GPHN: variants seen among roughly 807,000 people sequenced by gnomAD.
The protein encoded by GPHN is gephyrin.
Under a neutral mutation model 95.5 loss-of-function variants are expected in GPHN, and 17 were observed. That is an observed-to-expected ratio of 0.18 (90% confidence interval 0.12 to 0.27). The LOEUF is 0.27. GPHN is among the 10% of genes least tolerant of loss of function. GPHN has a pLI of 1.00. For synonymous variants in GPHN, 320 were observed against 322.5 expected, an observed-to-expected ratio of 0.99 and a Z score of 0.08; for missense variants, 660 against 978.1, an observed-to-expected ratio of 0.67 and a Z score of 4.34.
At chr14:67,399,042 A>G in the GPHN span, among the ~76,000 whole-genome samples, 1 of 152,234 alleles carries the variant, frequency 6.6e-6, no homozygotes. Context: ...TTTGACCTGC[A>G]TCTGCTTTTT....
intron 9 of GPHN, among the ~76,000 whole-genome samples, chr14:67,019,660 A>G (rs1265156735): frequency 1.3e-5 from 2 of 152,120 alleles, no homozygotes; most frequent in African/African-American, 2.4e-5. Context: ...TCTGTGAAAT[A>G]CAGAAGGGAA....
At chr14:66,609,463 A>G (rs1303170173) in intron 1 of GPHN, among the ~76,000 whole-genome samples, 1 of 151,862 alleles carries the variant, frequency 6.6e-6, no homozygotes, top group Non-Finnish European at 1.5e-5. Flanking sequence ...AGTTTTCTGT[A>G]TTTCTTGAAT....
chr14:66,627,020 GACT>G (rs1185456333), intron 1 of GPHN, among the ~76,000 whole-genome samples: 1 of 151,944 alleles, frequency 6.6e-6, no homozygotes, highest in Non-Finnish European at 1.5e-5. Context: ...TATTATAATT[GACT>G]ATAGATCTTT....
At chr14:67,121,527 T>C (rs1034361226) in intron 16 of GPHN, among the ~76,000 whole-genome samples, 42 of 152,208 alleles carry the variant, frequency 2.8e-4, no homozygotes, top group African/African-American at 9.9e-4. Flanking sequence ...CAAAGAATTT[T>C]GTCAACTTGA....
chr14:67,540,924 TCTGAGTGAATTCCC>T, the GPHN span, among the ~76,000 whole-genome samples: 1 of 152,214 alleles, frequency 6.6e-6, no homozygotes, highest in African/African-American at 2.4e-5. Flanking sequence ...CCAGAAGGCA[TCTGAGTGAATTCCC>T]CTGGCTGGAC....
chr14:67,390,570 C>T, the GPHN span: 1 of 884,756 alleles, frequency 1.1e-6, no homozygotes, highest in East Asian at 2.4e-5. Context: ...CAGGGGAAGG[C>T]AGGATATCCA....
intron 10 of GPHN, among the ~76,000 whole-genome samples, chr14:67,038,479 T>C (rs555618717): frequency 1.3e-5 from 2 of 152,216 alleles, no homozygotes; most frequent in South Asian, 2.1e-4. Flanking sequence ...ATCTGGAAAA[T>C]GTATTAAAAA....
chr14:66,855,670 G>A (rs2062773024), intron 4 of GPHN, among the ~76,000 whole-genome samples: 1 of 151,950 alleles, frequency 6.6e-6, no homozygotes, highest in East Asian at 1.9e-4. Context: ...GGATCATATG[G>A]CAATTCTGTG....
At chr14:67,099,714 C>T (rs769192885) in intron 12 of GPHN, among the ~76,000 whole-genome samples, 53 of 152,156 alleles carry the variant, frequency 3.5e-4, no homozygotes, top group African/African-American at 5.8e-4. Context: ...TCATTATAAA[C>T]GGTGTTTTAT....
At chr14:66,994,815 A>G (rs1451784396) in intron 9 of GPHN, among the ~76,000 whole-genome samples, 1 of 152,214 alleles carries the variant, frequency 6.6e-6, no homozygotes, top group Non-Finnish European at 1.5e-5. Context: ...TTTCAAAAGT[A>G]CCTCTAAGCA....
At chr14:66,876,280 G>GC (rs1379007887) in intron 4 of GPHN, among the ~76,000 whole-genome samples, 4 of 152,116 alleles carry the variant, frequency 2.6e-5, no homozygotes, top group Non-Finnish European at 5.9e-5. Flanking sequence ...AGCACTAAAT[G>GC]CCCACAGGGG....
intron 17 of GPHN, among the ~76,000 whole-genome samples, chr14:67,123,866 ATTC>A (rs933633751): frequency 2.3e-4 from 35 of 152,126 alleles, no homozygotes; most frequent in African/African-American, 8.4e-4. Context: ...GCCCAAGACA[ATTC>A]TTCTTCTGAT....
Position 67,023,649 on chromosome 14 carries a change from G to A in GPHN, c.980G>A (p.Ser327Asn). The change falls in exon 10 of 23, where the codon AGC (serine) becomes AAC (asparagine). Residue 327 changes from serine (S) to asparagine (N), a missense_variant. Physicochemically the swap from Ser to Asn is conservative, Grantham distance 46 (BLOSUM62 1). Around this residue, in one of 6 missense-constraint regions of GPHN, gnomAD observed 190 missense variants for 224.7 expected, o/e 0.85. Transcript: ENST00000478722. Reference protein sequence around the residue: ...CPTPKVQSRCSSKENILRASH... With the variant: ...CPTPKVQSRCNSKENILRASH... ...TTTCTACAGGTCCAGTCCAGGTGCA[G>A]CAGCAAGGAGAACATTCTCAGAGCC... 2 of 1,613,454 alleles carry A rather than the reference G, an allele frequency of 1.2e-6. No homozygotes were observed. Among genetic ancestry groups the A allele is most frequent in the Non-Finnish European group, 1.7e-6 (2 of 1,179,498 alleles).
At chr14:66,995,392 A>ATATTTT (rs1178715695) in intron 9 of GPHN, among the ~76,000 whole-genome samples, 1 of 152,190 alleles carries the variant, frequency 6.6e-6, no homozygotes, top group Non-Finnish European at 1.5e-5. Context: ...TTAAGTTTTT[A>ATATTTT]TATTTTTATA....
chr14:67,722,587 C>G, the GPHN span: 1 of 1,462,508 alleles, frequency 6.8e-7, no homozygotes, highest in South Asian at 1.1e-5. Flanking sequence ...TGAGCCAGAG[C>G]TGGGGTTGAA....
chr14:66,707,647 A>G (rs2069210008), intron 2 of GPHN, among the ~76,000 whole-genome samples: 1 of 152,196 alleles, frequency 6.6e-6, no homozygotes, highest in Non-Finnish European at 1.5e-5. Flanking sequence ...GGAGAACAAC[A>G]CACACCAGGG....
intron 17 of GPHN, among the ~76,000 whole-genome samples, chr14:67,135,596 TC>T (rs2080029894): frequency 6.6e-6 from 1 of 152,196 alleles, no homozygotes; most frequent in Admixed American, 6.5e-5. Flanking sequence ...AACCCAATCT[TC>T]CTATTAAATA....
the GPHN span, chr14:67,656,392 C>T: frequency 6.4e-7 from 1 of 1,562,212 alleles, no homozygotes; most frequent in Non-Finnish European, 8.7e-7. Flanking sequence ...ATACTTGCCC[C>T]TTTCCCTGTC....
chr14:67,140,596 T>TTG (rs897886501), intron 17 of GPHN, among the ~76,000 whole-genome samples: 43 of 152,130 alleles, frequency 2.8e-4, no homozygotes, highest in African/African-American at 9.7e-4. Context: ...TAATATCTTT[T>TTG]TCTACTAACA....
Sources: gnomAD v4.1 joint callset for allele counts (sites outside exome capture counted in the v4.1 genomes callset) on GRCh38, gnomAD v4.1.1 for gene constraint, gnomAD v4.1.1 regional missense constraint, MANE v1.5 for transcripts, NCBI Gene and HGNC (gene_info 2026-07-23, HGNC 2026-07-21) for gene names.